GOLM2: variants seen among roughly 807,000 people sequenced by gnomAD.
GOLM2 encodes the protein golgi membrane protein 2.
GOLM2 carries 26 observed loss-of-function variants against 55.9 expected under a neutral mutation model. The observed-to-expected ratio is 0.47, with a 90% CI of 0.34 to 0.65. The LOEUF (loss-of-function observed/expected upper bound fraction) is 0.65, where lower values mean the gene tolerates loss of function less well. Ranked by LOEUF, GOLM2 falls within the 30% of genes least tolerant of loss-of-function variation. GOLM2 has a pLI of 0.01. For missense variants in GOLM2, 486 were observed against 531.8 expected (o/e 0.91, Z 0.85); for synonymous variants, 165 against 194.6 (o/e 0.85, Z 1.27).
chr15:44,327,512 A>C (rs1323609728), intron 2 of GOLM2, among the ~76,000 whole-genome samples: 1 of 152,126 alleles, frequency 6.6e-6, no homozygotes, highest in Admixed American at 6.5e-5. Context: ...TCTGTAAAAA[A>C]TAGATGTTAT....
chr15:44,363,620 G>A (rs527321565), intron 6 of GOLM2, among the ~76,000 whole-genome samples: 1,699 of 152,290 alleles, frequency 0.011, 39 homozygotes, highest in African/African-American at 0.039. Context: ...TTCAACCATT[G>A]TGGAAGCAGT....
chr15:44,315,126 A>C (rs2078900656), intron 1 of GOLM2, among the ~76,000 whole-genome samples: 1 of 152,198 alleles, frequency 6.6e-6, no homozygotes, highest in South Asian at 2.1e-4. Context: ...CTGGAAGTAG[A>C]ATATGTCTTT....
intron 6 of GOLM2, among the ~76,000 whole-genome samples, chr15:44,371,548 T>G (rs2079329610): frequency 6.6e-6 from 1 of 152,216 alleles, no homozygotes; most frequent in South Asian, 2.1e-4. Context: ...AAATTTCAAG[T>G]GTGTTGTATC....
In GOLM2 at chr15:44,314,154, A is replaced by G. The variant is rs553469304; in HGVS notation, c.328-8811A>G. Among the ~76,000 whole-genome samples, 5 of 151,656 alleles carry G rather than the reference A, an allele frequency of 3.3e-5. No individual in the cohort carries two copies. In the South Asian group the frequency reaches 8.3e-4, roughly 25 times the overall value. ...TGGGAGGCTGAGGCAGGAGAATGGC[A>G]TGAACCCAGGAGGCGGAGCTTGCAG... On this transcript the variant is annotated intron_variant, in intron 1 of 9. Coordinates refer to ENST00000299957, the MANE Select transcript of GOLM2 (RefSeq NM_138423.4).
rs535507373 is a variant in GOLM2 at position 44,397,495 on chromosome 15, A to C, written c.1073-5392A>C. ...CTCCGTCTCAAAAAAAAAAAAAAAA[A>C]AAAAAAACAAAACCACACACACACA... On this transcript the variant is annotated intron_variant, in intron 8 of 9. Coordinates refer to ENST00000299957, the MANE Select transcript of GOLM2 (RefSeq NM_138423.4). 4.4e-4 allele frequency among the ~76,000 whole-genome samples: 65 copies of C among 147,916 alleles called. No individual in the cohort carries two copies. In the South Asian group the frequency reaches 0.01, roughly 23 times the overall value.
chr15:44,335,509 T>C (rs1450623690), intron 4 of GOLM2, among the ~76,000 whole-genome samples: 1 of 152,234 alleles, frequency 6.6e-6, no homozygotes, highest in East Asian at 1.9e-4. Context: ...ATATTTTTCT[T>C]ATCCATATCT....
chr15:44,376,787 A>C (rs1419160736), intron 6 of GOLM2, among the ~76,000 whole-genome samples: 1 of 151,218 alleles, frequency 6.6e-6, no homozygotes, highest in Admixed American at 6.6e-5. Context: ...TTTAATTTTT[A>C]ATTTTTTAGG....
chr15:44,411,802 CTG>C (rs2141222488), intron 9 of GOLM2, among the ~76,000 whole-genome samples: 1 of 145,696 alleles, frequency 6.9e-6, no homozygotes, highest in South Asian at 2.1e-4. Flanking sequence ...GCACTCCAGC[CTG>C]GGCGACAGAA....
At chr15:44,325,274 C>A (rs950242385) in intron 2 of GOLM2, among the ~76,000 whole-genome samples, 2 of 152,156 alleles carry the variant, frequency 1.3e-5, no homozygotes, top group Admixed American at 1.3e-4. Flanking sequence ...TATGATCTTT[C>A]TCTGTATTCA....
At chr15:44,308,967 C>CA (rs1166193008) in intron 1 of GOLM2, among the ~76,000 whole-genome samples, 1 of 152,058 alleles carries the variant, frequency 6.6e-6, no homozygotes, top group Non-Finnish European at 1.5e-5. Context: ...TAAAAATGGG[C>CA]AAAGGACTGG....
intron 8 of GOLM2, among the ~76,000 whole-genome samples, chr15:44,401,799 A>G (rs2079566649): frequency 6.7e-6 from 1 of 149,938 alleles, no homozygotes; most frequent in Non-Finnish European, 1.5e-5. Flanking sequence ...TTTCTACAGT[A>G]GGTATTATGT....
At chr15:44,402,272 T>G (rs575214133) in intron 8 of GOLM2, among the ~76,000 whole-genome samples, 12 of 152,294 alleles carry the variant, frequency 7.9e-5, no homozygotes, top group African/African-American at 2.9e-4. Flanking sequence ...GGATTTTTTT[T>G]TTTTAAACCA....
chr15:44,393,681 C>T (rs781020600), intron 8 of GOLM2, among the ~76,000 whole-genome samples: 15 of 152,062 alleles, frequency 9.9e-5, no homozygotes, highest in Admixed American at 2.0e-4. Context: ...AATGCAGTGG[C>T]GTGATCTCAG....
chr15:44,345,903 T>G (rs987489089), intron 6 of GOLM2: 10 of 151,878 alleles, frequency 6.6e-5, no homozygotes, highest in African/African-American at 2.2e-4. Flanking sequence ...AGGTTTTGTG[T>G]GTGTGTGTGT....
At chr15:44,313,550 T>G (rs766006825) in intron 1 of GOLM2, among the ~76,000 whole-genome samples, 7 of 152,244 alleles carry the variant, frequency 4.6e-5, no homozygotes, top group Non-Finnish European at 8.8e-5. Flanking sequence ...CTTGTTACAC[T>G]TTATGTGCTA....
At chr15:44,382,754 C>G (rs1470535819) in intron 8 of GOLM2, among the ~76,000 whole-genome samples, 2 of 151,348 alleles carry the variant, frequency 1.3e-5, no homozygotes, top group African/African-American at 4.9e-5. Flanking sequence ...AATTATTACT[C>G]TCTACAATAA....
chr15:44,307,877 A>G (rs1265104688), intron 1 of GOLM2: 1 of 152,188 alleles, frequency 6.6e-6, no homozygotes, highest in Non-Finnish European at 1.5e-5. Flanking sequence ...CAGGAGGAAC[A>G]TAAATGAGGC....
chr15:44,357,061 A>G (rs2079202964), intron 6 of GOLM2, among the ~76,000 whole-genome samples: 1 of 152,004 alleles, frequency 6.6e-6, no homozygotes, highest in Non-Finnish European at 1.5e-5. Flanking sequence ...GGTCCCAGCT[A>G]CTCAGGAGGT....
At chr15:44,408,305 G>T (rs2079611428) in intron 9 of GOLM2, among the ~76,000 whole-genome samples, 2 of 152,122 alleles carry the variant, frequency 1.3e-5, no homozygotes, top group Non-Finnish European at 2.9e-5. Flanking sequence ...ACAGATAAAT[G>T]CAAAGAGGTT....
Sources: gnomAD v4.1 joint callset for allele counts (sites outside exome capture counted in the v4.1 genomes callset) on GRCh38, gnomAD v4.1.1 for gene constraint, MANE v1.5 for transcripts, NCBI Gene and HGNC (gene_info 2026-07-23, HGNC 2026-07-21) for gene names.